TAF6: variants seen among roughly 807,000 people sequenced by gnomAD.
TAF6 encodes transcription initiation factor TFIID subunit 6.
Under a neutral mutation model 73.5 loss-of-function variants are expected in TAF6, and 50 were observed. The ratio of observed to expected loss-of-function variants is 0.68; its 90% CI spans 0.54 to 0.86. TAF6 has a LOEUF of 0.86. Ranked by LOEUF, TAF6 falls within the 40% of genes least tolerant of loss-of-function variation. TAF6 has a pLI of 0.00. For missense variants in TAF6, 768 were observed against 899.5 expected (o/e 0.85, Z 1.87); for synonymous variants, 424 against 376.7 (o/e 1.13, Z -1.45).
In TAF6 at chr7:100,113,596, C is replaced by T. The variant is rs1339575886; in HGVS notation, c.397+20G>A. ...CCTCCTTTCCCTCCTCCCTGCCACC[C>T]TGCTCTCCCCTCCCCCAACCTTTGA... On this transcript the variant is annotated intron_variant, in intron 4 of 14. Transcript: ENST00000453269. The T allele has an allele frequency of 1.9e-6, 3 of 1,612,742 alleles. No individual in the cohort carries two copies. Among genetic ancestry groups the T allele is most frequent in the Admixed American group, 1.7e-5 (1 of 59,794 alleles).
intron 1 of TAF6, among the ~76,000 whole-genome samples, chr7:100,115,991 G>A (rs1182189643): frequency 1.3e-5 from 2 of 151,946 alleles, no homozygotes; most frequent in East Asian, 3.9e-4. Flanking sequence ...AATCCACCAG[G>A]TAGTCCAACC....
the TAF6 span, chr7:100,124,998 A>G: frequency 7.8e-7 from 1 of 1,274,400 alleles, no homozygotes; most frequent in Non-Finnish European, 1.1e-6. Flanking sequence ...ACTCCACCCA[A>G]GCTTGTAGCT....
Position 100,111,797 on chromosome 7 carries a change from G to A in TAF6, c.831C>T (p.Ala277=), listed in dbSNP as rs550850320. ...VRVNVVQNNL[A]LLIYLMRMVK... ...CCATACGCATCAGGTAGATGAGTAG[G>A]GCCAGGTTGTTCTGAACCACGTTCA... The change falls in exon 9 of 15, where the codon GCC becomes GCT. Residue 277 remains alanine (A), a synonymous_variant. Transcript: ENST00000453269. 6 of 1,614,192 alleles carry A rather than the reference G, an allele frequency of 3.7e-6. No individual in the cohort carries two copies. In the African/African-American group the frequency reaches 4.0e-5, roughly 11 times the overall value.
At chr7:100,108,776 C>G (rs117460458) in intron 12 of TAF6, 5,661 of 405,120 alleles carry the variant, frequency 0.014, 81 homozygotes, top group Middle Eastern at 0.072. Flanking sequence ...GCATCTTAGG[C>G]CTGTATCCCA....
At chr7:100,114,386 C>A (rs184947009) in intron 1 of TAF6, 118 bp from the exon 2 acceptor site, 2 of 1,021,188 alleles carry the variant, frequency 2.0e-6, no homozygotes, top group Non-Finnish European at 3.0e-6. Context: ...TCCATCCCCA[C>A]GTGAGTCAGC....
chr7:100,111,552 G>A (rs1176277405), intron 9 of TAF6, among the ~76,000 whole-genome samples, 176 bp downstream of exon 9: 1 of 152,014 alleles, frequency 6.6e-6, no homozygotes, highest in Non-Finnish European at 1.5e-5. Context: ...TGTAGAGATA[G>A]CAGTCTCACT....
At chr7:100,119,036 A>C in intron 1 of TAF6, 168 bp downstream of exon 1, 1 of 985,778 alleles carries the variant, frequency 1.0e-6, no homozygotes, top group Non-Finnish European at 1.2e-6. Flanking sequence ...AGGCGGCAGG[A>C]AGGCGTCCCA....
At chr7:100,114,289 G>T (rs1319430941) in intron 1 of TAF6, 21 bp from the exon 2 acceptor site, 2 of 1,608,314 alleles carry the variant, frequency 1.2e-6, no homozygotes, top group Non-Finnish European at 1.7e-6. Context: ...AACGGGGCAG[G>T]CAGAAGAAAA....
upstream of TAF6, chr7:100,119,878 A>T (rs761949021): frequency 6.3e-7 from 1 of 1,595,510 alleles, no homozygotes; most frequent in South Asian, 1.1e-5. Context: ...TGAAGGGGGT[A>T]GCCCCTATAG....
At chr7:100,116,223 A>G (rs1399156728) in intron 1 of TAF6, among the ~76,000 whole-genome samples, 1 of 152,060 alleles carries the variant, frequency 6.6e-6, no homozygotes, top group Non-Finnish European at 1.5e-5. Flanking sequence ...TAAAACCTGA[A>G]ATCCTTATAA....
chr7:100,109,957 G>A lies in TAF6; in HGVS notation c.1275C>T (p.Ser425=), dbSNP rs752885429. 8 of 1,614,014 alleles carry A rather than the reference G, an allele frequency of 5.0e-6. No individual in the cohort carries two copies. The highest frequency in any genetic ancestry group is 3.4e-6 in the Non-Finnish European group (4 of 1,180,036). Residue 425 remains serine (S), a synonymous_variant, in exon 12 of 15, where the codon AGC becomes AGT. Coordinates refer to ENST00000453269, the MANE Select transcript of TAF6 (RefSeq NM_139315.3). ...CAGGGGCTTCAGTCACCAGCAGGAG[G>A]CTCTGCACATGGTCTGCTCCAATCC... ...IDRIGADHVQ[S]LLLKHCAPVL...
upstream of TAF6, chr7:100,121,106 A>AT (rs1798031550): frequency 6.3e-5 from 1 of 15,770 alleles, no homozygotes; most frequent in African/African-American, 2.4e-4. Flanking sequence ...ATATATATAT[A>AT]TATATATATA....
chr7:100,112,940 G>A (rs748741592), intron 5 of TAF6, 23 bp from the exon 6 acceptor site: 50 of 1,600,636 alleles, frequency 3.1e-5, no homozygotes, highest in Middle Eastern at 1.7e-4. Flanking sequence ...CAGGCACAGC[G>A]GGAGGGGTGA....
intron 1 of TAF6, 189 bp downstream of exon 1, chr7:100,119,015 C>T (rs1797917250): frequency 1.0e-6 from 1 of 985,630 alleles, no homozygotes; most frequent in Admixed American, 6.2e-5. Flanking sequence ...AGGATCTCCT[C>T]AGATCAGTGG....
upstream of TAF6, chr7:100,124,297 G>A (rs1214210977): frequency 1.9e-6 from 1 of 522,252 alleles, no homozygotes; most frequent in African/African-American, 1.9e-5. Flanking sequence ...TATTTTACAG[G>A]CAAGGAGCTG....
chr7:100,112,028 G>A (rs374459465), intron 7 of TAF6, 29 bp from the exon 8 acceptor site: 43 of 1,613,922 alleles, frequency 2.7e-5, no homozygotes, highest in Non-Finnish European at 3.6e-5. Flanking sequence ...CAGTCAGGTG[G>A]GGGTGGGATG....
intron 6 of TAF6, 128 bp downstream of exon 6, chr7:100,112,670 G>T: frequency 7.5e-7 from 1 of 1,333,042 alleles, no homozygotes; most frequent in Non-Finnish European, 1.0e-6. Flanking sequence ...AGCTGAGATC[G>T]TACCACTACA....
rs1470323656 is a variant in TAF6 at position 100,108,114 on chromosome 7, T to C, written c.1468A>G (p.Thr490Ala). Residue 490 changes from threonine to alanine, a missense_variant, in exon 14 of 15, where the codon ACG (threonine) becomes GCG (alanine). By Grantham distance (58) the Thr-to-Ala change is moderately conservative (BLOSUM62 0). Transcript: ENST00000453269. ...TTLTITQPRP[T>A]LTLSQAPQPG... ...TGTGGGGCCTGCGAGAGGGTCAGCG[T>C]GGGCCGGGGCTGCGGGGAGAAGAGG... The C allele has an allele frequency of 1.2e-6, 2 of 1,601,256 alleles. No homozygotes were observed.
At chr7:100,122,336 C>A (rs148615650), upstream of TAF6, 1,072 of 1,614,074 alleles carry the variant, frequency 6.6e-4, 5 homozygotes, top group African/African-American at 0.013. Flanking sequence ...GGAGCTGGGG[C>A]AGGTGCTGGA....
Sources: allele counts gnomAD v4.1 joint callset (sites outside exome capture counted in the v4.1 genomes callset), GRCh38; gene constraint gnomAD v4.1.1; transcripts MANE v1.5; gene names NCBI Gene and HGNC (gene_info 2026-07-23, HGNC 2026-07-21).